ATG5: variants seen among roughly 807,000 people sequenced by gnomAD.
ATG5 encodes the protein autophagy related 5, also known as autophagy protein 5.
Under a neutral mutation model 36.5 loss-of-function variants are expected in ATG5, and 14 were observed. The observed-to-expected ratio is 0.38, with a 90% confidence interval of 0.25 to 0.60. ATG5 has a LOEUF of 0.60. ATG5 is among the 20% of genes least tolerant of loss of function. ATG5 has a pLI of 0.60. For missense variants in ATG5, 195 were observed against 326.7 expected (o/e 0.60, Z 3.11); for synonymous variants, 95 against 101.5 (o/e 0.94, Z 0.38).
chr6:106,195,521 AAAG>A (rs1261851256), intron 7 of ATG5, among the ~76,000 whole-genome samples: 2 of 152,220 alleles, frequency 1.3e-5, no homozygotes, highest in Non-Finnish European at 2.9e-5. Flanking sequence ...TACGTAATAA[AAAG>A]AAGAAGCAAA....
intron 5 of ATG5, among the ~76,000 whole-genome samples, chr6:106,252,575 T>A (rs192310750): frequency 8.9e-4 from 135 of 152,316 alleles, no homozygotes; most frequent in African/African-American, 3.1e-3. Flanking sequence ...GAAAAAGTGA[T>A]AACTTTAAAG....
chr6:106,231,214 A>T (rs1252405326), intron 6 of ATG5, among the ~76,000 whole-genome samples: 1 of 152,224 alleles, frequency 6.6e-6, no homozygotes. Context: ...ATTCTCAGAT[A>T]ACCCTAATGG....
intron 6 of ATG5, among the ~76,000 whole-genome samples, chr6:106,243,864 A>AC (rs2114501080): frequency 6.6e-6 from 1 of 151,036 alleles, no homozygotes; most frequent in East Asian, 1.9e-4. Context: ...ATAAAATTAA[A>AC]AAATATATAA....
rs1460510145 is a variant in ATG5 at position 106,186,601 on chromosome 6, TCACTCAGC to T, written c.759_766del (p.Trp253Ter). 2.5e-6 allele frequency: 4 copies of T among 1,613,714 alleles called. No individual in the cohort carries two copies. On this transcript the variant is annotated stop_gained and frameshift_variant, in exon 8 of 8. Coordinates refer to ENST00000369076, the MANE Select transcript of ATG5 (RefSeq NM_004849.4). LOFTEE classifies it high-confidence loss of function. ...AAAATTATCCGGGTAGCTCAGATGT[TCACTCAGC>T]CACTGCAGAGGTGTTTCCAACATTG...
At position 106,194,050 on chromosome 6, in the gene ATG5, G is replaced by C. The variant is rs183519593; in HGVS notation, c.692-7374C>G. Among the ~76,000 whole-genome samples, 5 of 152,278 alleles carry C rather than the reference G, an allele frequency of 3.3e-5. No homozygotes were observed. In the East Asian group the frequency reaches 9.6e-4, roughly 29 times the overall value. Reference sequence around the variant, plus strand: ...ACCAGAAGCATCTTCTGTCAGTCCAGTAATGTCATCATTTCCAGTAGTGGA... The same window carrying C: ...ACCAGAAGCATCTTCTGTCAGTCCACTAATGTCATCATTTCCAGTAGTGGA... On this transcript the variant is annotated intron_variant, in intron 7 of 7. Coordinates refer to ENST00000369076, the MANE Select transcript of ATG5 (RefSeq NM_004849.4).
chr6:106,245,048 A>T (rs891652718), intron 6 of ATG5, among the ~76,000 whole-genome samples: 7 of 152,200 alleles, frequency 4.6e-5, no homozygotes, highest in Non-Finnish European at 1.0e-4. Context: ...ACTTAATGTC[A>T]TCTCTAGAAT....
At chr6:106,190,322 T>C (rs1244291102) in intron 7 of ATG5, among the ~76,000 whole-genome samples, 1 of 152,326 alleles carries the variant, frequency 6.6e-6, no homozygotes, top group African/African-American at 2.4e-5. Flanking sequence ...TGAGAGACAG[T>C]GAACCCACTC....
At chr6:106,305,586 A>G (rs927537167) in intron 3 of ATG5, among the ~76,000 whole-genome samples, 1 of 152,224 alleles carries the variant, frequency 6.6e-6, no homozygotes, top group Non-Finnish European at 1.5e-5. Flanking sequence ...ACTGGCGACT[A>G]ATTTCCTTTC....
At chr6:106,321,196 T>C (rs1388919507) in intron 1 of ATG5, among the ~76,000 whole-genome samples, 2 of 152,202 alleles carry the variant, frequency 1.3e-5, no homozygotes, top group Admixed American at 6.5e-5. Flanking sequence ...AAAATGAAGA[T>C]AATTATAATT....
At chr6:106,191,755 A>G (rs1162811380) in intron 7 of ATG5, among the ~76,000 whole-genome samples, 1 of 152,164 alleles carries the variant, frequency 6.6e-6, no homozygotes, top group Non-Finnish European at 1.5e-5. Flanking sequence ...TGTAACTGAT[A>G]AAGTATGTGA....
At chr6:106,228,979 A>T (rs777285883) in intron 6 of ATG5, among the ~76,000 whole-genome samples, 1 of 152,222 alleles carries the variant, frequency 6.6e-6, no homozygotes, top group Non-Finnish European at 1.5e-5. Flanking sequence ...GCCGGTTGAG[A>T]TCATGTCGCA....
chr6:106,269,442 GC>G (rs1779357278), intron 5 of ATG5, among the ~76,000 whole-genome samples: 1 of 152,232 alleles, frequency 6.6e-6, no homozygotes, highest in South Asian at 2.1e-4. Flanking sequence ...GGGACTGGGC[GC>G]CGTGGAGCAG....
At chr6:106,255,005 C>T (rs1469409790) in intron 5 of ATG5, among the ~76,000 whole-genome samples, 2 of 152,224 alleles carry the variant, frequency 1.3e-5, no homozygotes, top group Non-Finnish European at 2.9e-5. Flanking sequence ...CCTTTTGCTT[C>T]CTCCAACTTT....
chr6:106,281,002 A>G (rs1041220174), intron 4 of ATG5, among the ~76,000 whole-genome samples: 2 of 152,290 alleles, frequency 1.3e-5, no homozygotes, highest in Non-Finnish European at 2.9e-5. Flanking sequence ...GCAAAAAAAC[A>G]GCATTTAGTT....
Position 106,186,475 on chromosome 6 carries a change from A to G in ATG5, c.*65T>C, listed in dbSNP as rs1016540259. On this transcript the variant is annotated 3_prime_UTR_variant, in exon 8 of 8. Transcript: ENST00000369076. ...GCCTCCACCAAACCTGATTGAAGCA[A>G]AAGGGTGACATGCTCTGATAAATCC... 5.1e-6 allele frequency: 8 copies of G among 1,579,260 alleles called. No homozygotes were observed. Among genetic ancestry groups the G allele is most frequent in the Non-Finnish European group, 6.9e-6 (8 of 1,153,768 alleles).
intron 6 of ATG5, among the ~76,000 whole-genome samples, chr6:106,224,748 G>C (rs1482186347): frequency 1.3e-5 from 2 of 152,156 alleles, no homozygotes; most frequent in African/African-American, 2.4e-5. Flanking sequence ...AGGTGTGGTG[G>C]TGCATGCCTG....
chr6:106,231,392 C>T (rs1282594312), intron 6 of ATG5, among the ~76,000 whole-genome samples: 1 of 152,150 alleles, frequency 6.6e-6, no homozygotes, highest in Non-Finnish European at 1.5e-5. Context: ...GATAGGTCGA[C>T]AACAGAGGAA....
chr6:106,290,889 T>C (rs894199552), intron 4 of ATG5, among the ~76,000 whole-genome samples: 1 of 152,246 alleles, frequency 6.6e-6, no homozygotes, highest in African/African-American at 2.4e-5. Context: ...CTTTCAAGTT[T>C]ACAGTGGCAT....
intron 5 of ATG5, among the ~76,000 whole-genome samples, chr6:106,257,578 T>A (rs1778849054): frequency 6.6e-6 from 1 of 152,228 alleles, no homozygotes; most frequent in Admixed American, 6.5e-5. Context: ...CACTTCAGAA[T>A]CAGGGATCTA....
Sources: allele counts gnomAD v4.1 joint callset (sites outside exome capture counted in the v4.1 genomes callset), GRCh38; gene constraint gnomAD v4.1.1; transcripts MANE v1.5; gene names NCBI Gene and HGNC (gene_info 2026-07-23, HGNC 2026-07-21).